The following STX7 variants were observed in gnomAD, a reference collection of about 807,000 sequenced individuals.
STX7 encodes syntaxin-7.
STX7 carries 34 observed loss-of-function variants against 39.6 expected under a neutral mutation model. The observed-to-expected ratio is 0.86, with a 90% CI of 0.65 to 1.14. The LOEUF (loss-of-function observed/expected upper bound fraction) is 1.14, where lower values mean the gene tolerates loss of function less well. Among genes scored for constraint, STX7 ranks in the 50% most tolerant of loss-of-function variants. The pLI is 0.00. For synonymous variants in STX7, 119 were observed against 99.1 expected (o/e 1.20, Z -1.19); for missense variants, 284 against 310.4 (o/e 0.92, Z 0.64).
Position 132,469,344 on chromosome 6 carries a change from T to G in STX7, c.537+607A>C, listed in dbSNP as rs573926607. ...AGACATCCAGACTCTTGGACAGACA[T>G]TTATCTCTACACTGGTATTTTCTCA... On this transcript the variant is annotated intron_variant, in intron 7 of 9. Coordinates refer to ENST00000367941, the MANE Select transcript of STX7 (RefSeq NM_003569.3). 1.9e-4 allele frequency among the ~76,000 whole-genome samples: 29 copies of G among 152,266 alleles called. 1 individual carries two copies. In the East Asian group the frequency reaches 5.0e-3, roughly 26 times the overall value.
At chr6:132,478,524 A>G (rs567263171) in intron 2 of STX7, among the ~76,000 whole-genome samples, 87 of 152,290 alleles carry the variant, frequency 5.7e-4, no homozygotes, top group African/African-American at 2.0e-3. Context: ...ATAAAAAAAT[A>G]AAACCAAGGG....
At chr6:132,493,034 A>G (rs1182148396) in intron 2 of STX7, among the ~76,000 whole-genome samples, 1 of 152,216 alleles carries the variant, frequency 6.6e-6, no homozygotes, top group Non-Finnish European at 1.5e-5. Context: ...AACAGTCCAC[A>G]GACTAGGACA....
At chr6:132,511,913 A>G (rs1775854729) in intron 1 of STX7, among the ~76,000 whole-genome samples, 1 of 152,234 alleles carries the variant, frequency 6.6e-6, no homozygotes, top group African/African-American at 2.4e-5. Flanking sequence ...CATAAGTAAC[A>G]TATCTGAGGA....
Position 132,470,603 on chromosome 6 carries a change from T to A in STX7, c.411A>T (p.Ser137=). The change falls in exon 6 of 10, where the codon TCA becomes TCT. Residue 137 remains serine, a synonymous_variant. Transcript: ENST00000367941. ...CCCAGGATACAAGATTCCTTTCTTT[T>A]GAGCTGTCCTCAGGAAAACTGCCCT... ...RVSGSFPEDS[S]KERNLVSWES... 1.2e-6 allele frequency: 2 copies of A among 1,609,376 alleles called. No individual in the cohort carries two copies. Among genetic ancestry groups the A allele is most frequent in the East Asian group, 4.5e-5 (2 of 44,636 alleles).
chr6:132,480,399 T>G (rs963030411), intron 2 of STX7, among the ~76,000 whole-genome samples: 2 of 152,134 alleles, frequency 1.3e-5, no homozygotes, highest in Non-Finnish European at 2.9e-5. Flanking sequence ...AAACTTGGAT[T>G]TGGGAAGTAA....
At chr6:132,505,048 C>T (rs188378891) in intron 1 of STX7, among the ~76,000 whole-genome samples, 4 of 152,294 alleles carry the variant, frequency 2.6e-5, no homozygotes, top group Admixed American at 2.6e-4. Flanking sequence ...GAGGAATGGC[C>T]TAACATTTCT....
chr6:132,501,893 A>G (rs558344168), intron 2 of STX7, among the ~76,000 whole-genome samples: 1 of 152,152 alleles, frequency 6.6e-6, no homozygotes, highest in East Asian at 1.9e-4. Flanking sequence ...AAAAAAAGAA[A>G]AGGAAAGAGG....
chr6:132,470,755 G>T, intron 5 of STX7, 129 bp from the exon 6 acceptor site: 1 of 498,014 alleles, frequency 2.0e-6, no homozygotes, highest in Non-Finnish European at 3.6e-6. Flanking sequence ...GTATGTGTGT[G>T]TGTGTGTAGA....
intron 1 of STX7, among the ~76,000 whole-genome samples, chr6:132,504,430 C>T (rs1230020401): frequency 2.0e-5 from 3 of 152,194 alleles, no homozygotes; most frequent in Non-Finnish European, 4.4e-5. Flanking sequence ...CTTCAATCCA[C>T]ACCACTCCAA....
intron 2 of STX7, among the ~76,000 whole-genome samples, chr6:132,488,965 G>A (rs931273165): frequency 6.6e-6 from 1 of 152,042 alleles, no homozygotes; most frequent in Non-Finnish European, 1.5e-5. Context: ...ACTTTGGGAG[G>A]CCAAGGTAAG....
At position 132,476,065 on chromosome 6, in the gene STX7, AAT is replaced by A. The variant is rs572484952; in HGVS notation, c.86-405_86-404del. On this transcript the variant is annotated intron_variant, in intron 2 of 9. Coordinates refer to ENST00000367941, the MANE Select transcript of STX7 (RefSeq NM_003569.3). ...TAAGTTATTGTTAATAAATGAGAGG[AAT>A]AGAATTACAAAAAATCATTTTTCAA... 3.9e-5 allele frequency among the ~76,000 whole-genome samples: 6 copies of A among 152,334 alleles called. No individual in the cohort carries two copies. In the South Asian group the frequency reaches 1.2e-3, roughly 32 times the overall value.
intron 1 of STX7, among the ~76,000 whole-genome samples, chr6:132,510,217 T>G (rs1390519778): frequency 6.6e-6 from 1 of 152,200 alleles, no homozygotes; most frequent in Non-Finnish European, 1.5e-5. Flanking sequence ...TTCAAATACT[T>G]AGAAGAAAGA....
rs553252089 is a variant in STX7 at position 132,447,138 on chromosome 6, C to T, written c.*13620G>A. On this transcript the variant is annotated 3_prime_UTR_variant, in exon 10 of 10. Transcript: ENST00000367941. ...AAAAAGATACTAATAAGTTTTTGTG[C>T]GTGTAACATTTGACACCAGGCTTTT... is the stretch of plus-strand genomic sequence containing the variant. 5 of 152,248 alleles carry T rather than the reference C, an allele frequency of 3.3e-5. No homozygotes were observed. The highest frequency in any genetic ancestry group is 3.3e-4 in the Admixed American group (5 of 15,290). 9.4% of individuals were successfully genotyped at this position (152,248 alleles called of 1,614,324 possible).
chr6:132,491,357 G>A (rs1191511975), intron 2 of STX7, among the ~76,000 whole-genome samples: 1 of 151,580 alleles, frequency 6.6e-6, no homozygotes, highest in Non-Finnish European at 1.5e-5. Flanking sequence ...TAACATGCAT[G>A]CACTGACTAA....
intron 2 of STX7, among the ~76,000 whole-genome samples, chr6:132,490,569 C>T (rs933032263): frequency 6.6e-6 from 1 of 152,094 alleles, no homozygotes; most frequent in African/African-American, 2.4e-5. Context: ...TTCTCAAAAA[C>T]GTGTACATAC....
At chr6:132,461,855 CT>C in intron 9 of STX7, 1 of 1,539,814 alleles carries the variant, frequency 6.5e-7, no homozygotes, top group Non-Finnish European at 8.8e-7. Context: ...TGCAGGAATC[CT>C]TTTTCTTACA....
At chr6:132,475,783 A>G in intron 2 of STX7, 121 bp from the exon 3 acceptor site, 1 of 526,662 alleles carries the variant, frequency 1.9e-6, no homozygotes. Context: ...AAAGATGAAA[A>G]TAGAAAATAT....
intron 3 of STX7, among the ~76,000 whole-genome samples, chr6:132,472,677 T>A (rs773077877): frequency 6.6e-6 from 1 of 152,214 alleles, no homozygotes; most frequent in African/African-American, 2.4e-5. Context: ...CTGTTAGATG[T>A]CTGATCCTTT....
intron 1 of STX7, among the ~76,000 whole-genome samples, chr6:132,505,260 T>C (rs1775669404): frequency 6.6e-6 from 1 of 152,180 alleles, no homozygotes; most frequent in African/African-American, 2.4e-5. Context: ...TGCTACCACA[T>C]AGAACTAATG....
Sources: allele counts gnomAD v4.1 joint callset (sites outside exome capture counted in the v4.1 genomes callset), GRCh38; gene constraint gnomAD v4.1.1; transcripts MANE v1.5; gene names NCBI Gene and HGNC (gene_info 2026-07-23, HGNC 2026-07-21).